Variants in HVCN1 observed in about 807,000 individuals in gnomAD.
The protein encoded by HVCN1 is voltage-gated hydrogen channel 1.
HVCN1 carries 14 observed loss-of-function variants against 29.2 expected under a neutral mutation model. The observed-to-expected ratio is 0.48, with a 90% CI of 0.32 to 0.75. The LOEUF (loss-of-function observed/expected upper bound fraction) is 0.75. HVCN1 is among the 30% of genes least tolerant of loss of function. The probability of loss-of-function intolerance (pLI) is 0.04; values close to 1 mark genes in which losing one functional copy is unlikely to be tolerated. For missense variants in HVCN1, 263 were observed against 341.8 expected (o/e 0.77, Z 1.82); for synonymous variants, 131 against 133.2 (o/e 0.98, Z 0.11).
intron 3 of HVCN1, among the ~76,000 whole-genome samples, chr12:110,673,021 C>T (rs1242268112): frequency 6.6e-6 from 1 of 152,096 alleles, no homozygotes; most frequent in African/African-American, 2.4e-5. Context: ...AAATGTGGAA[C>T]CAACTTTGGA....
intron 6 of HVCN1, 70 bp from the exon 7 acceptor site, chr12:110,650,350 C>A: frequency 1.1e-6 from 1 of 909,964 alleles, no homozygotes; most frequent in South Asian, 1.4e-5. Flanking sequence ...AATCTGTATT[C>A]TTACACCTGT....
At chr12:110,694,536 C>T (rs1401159495), upstream of HVCN1, among the ~76,000 whole-genome samples, 3 of 152,246 alleles carry the variant, frequency 2.0e-5, no homozygotes, top group East Asian at 1.9e-4. The surrounding 1 kb of genome is among the most constrained non-coding windows in gnomAD (Gnocchi z 4.6). Flanking sequence ...TCAACGGCTA[C>T]AGTTGACCAC....
At chr12:110,675,360 G>A (rs1164192508) in intron 3 of HVCN1, among the ~76,000 whole-genome samples, 7 of 152,240 alleles carry the variant, frequency 4.6e-5, no homozygotes, top group African/African-American at 1.7e-4. Flanking sequence ...TTGGGAGGCT[G>A]AGGCAGGGGA....
intron 2 of HVCN1, among the ~76,000 whole-genome samples, chr12:110,683,937 AAG>A (rs1555238089): frequency 2.0e-5 from 3 of 151,682 alleles, no homozygotes; most frequent in African/African-American, 7.3e-5. Flanking sequence ...GAAAAAAAAA[AAG>A]AGAGAGAAAT....
rs752437553 is a variant in HVCN1, at chr12:110,650,199, A to G, written c.725T>C (p.Ile242Thr). The G allele has an allele frequency of 6.2e-7, 1 of 1,613,188 alleles. No homozygotes were observed. Among genetic ancestry groups the G allele is most frequent in the Admixed American group, 1.7e-5 (1 of 59,992 alleles). Reference protein sequence around the residue: ...KQMNVQLAAKIQHLEFSCSEK... With the variant: ...KQMNVQLAAKTQHLEFSCSEK... ...AGAGCAGCTGAACTCAAGGTGTTGA[A>G]TCTTGGCGGCCAATTGTACATTCAT... is the stretch of plus-strand genomic sequence containing the variant. The change falls in exon 7 of 8, where the codon ATT (isoleucine) becomes ACT (threonine). Residue 242 changes from isoleucine (I) to threonine (T), a missense_variant. Transcript: ENST00000242607.
intron 5 of HVCN1, among the ~76,000 whole-genome samples, chr12:110,654,082 A>G (rs951501026): frequency 2.6e-5 from 4 of 152,190 alleles, no homozygotes; most frequent in South Asian, 4.1e-4. Context: ...TTTTTCATAA[A>G]AAGTTGAGAG....
intron 3 of HVCN1, among the ~76,000 whole-genome samples, chr12:110,666,151 G>C (rs2068341312): frequency 6.6e-6 from 1 of 152,202 alleles, no homozygotes; most frequent in Non-Finnish European, 1.5e-5. Context: ...GGGCACAGTG[G>C]CTCATGCCTG....
chr12:110,675,525 A>T (rs1257793318), intron 3 of HVCN1, among the ~76,000 whole-genome samples: 1 of 152,226 alleles, frequency 6.6e-6, no homozygotes, highest in Non-Finnish European at 1.5e-5. Context: ...ACAGGAACTC[A>T]AGTCCGCTAG....
intron 2 of HVCN1, among the ~76,000 whole-genome samples, chr12:110,686,021 CAG>C (rs1005509151): frequency 1.1e-4 from 17 of 151,870 alleles, no homozygotes; most frequent in African/African-American, 3.4e-4. Context: ...TCCCCTGAGA[CAG>C]AGTCTCGTTC....
chr12:110,699,661 GTGA>G (rs1252555513), intron 2 of HVCN1, among the ~76,000 whole-genome samples: 2 of 152,110 alleles, frequency 1.3e-5, no homozygotes, highest in Non-Finnish European at 2.9e-5. Context: ...GAAATGGCCA[GTGA>G]TGATGATAAC....
At chr12:110,668,751 T>C (rs937024689) in intron 3 of HVCN1, among the ~76,000 whole-genome samples, 5 of 152,198 alleles carry the variant, frequency 3.3e-5, no homozygotes, top group African/African-American at 1.2e-4. Context: ...CAAGAATCCT[T>C]GCTGTCCCCA....
At chr12:110,694,088 G>A (rs73194021), upstream of HVCN1, among the ~76,000 whole-genome samples, 13,245 of 152,116 alleles carry the variant, frequency 0.087, 643 homozygotes, top group Middle Eastern at 0.11. The surrounding 1 kb of genome is among the most constrained non-coding windows in gnomAD (Gnocchi z 4.6). Flanking sequence ...TTAGGGATGG[G>A]GTCTTGCTCT....
chr12:110,657,879 G>A (rs1330931119), intron 4 of HVCN1, among the ~76,000 whole-genome samples: 3 of 152,200 alleles, frequency 2.0e-5, no homozygotes, highest in South Asian at 2.1e-4. Context: ...CGTGCCGTGG[G>A]GCGGCCAGTC....
chr12:110,695,261 TACAC>T (rs150777041), intron 2 of HVCN1, among the ~76,000 whole-genome samples: 1 of 151,154 alleles, frequency 6.6e-6, no homozygotes, highest in African/African-American at 2.5e-5. Flanking sequence ...TATATGTATA[TACAC>T]ACACACACAT....
At chr12:110,655,425 G>T in intron 4 of HVCN1, 87 bp from the exon 5 acceptor site, 3 of 1,023,984 alleles carry the variant, frequency 2.9e-6, no homozygotes, top group Non-Finnish European at 4.6e-6. Context: ...TTGGAAGCAC[G>T]TGGGTGAAAC....
chr12:110,681,353 G>A (rs560885059), intron 3 of HVCN1, among the ~76,000 whole-genome samples: 6 of 152,084 alleles, frequency 3.9e-5, no homozygotes, highest in Non-Finnish European at 8.8e-5. Flanking sequence ...CTTGAATATG[G>A]ATATTTTCAA....
At position 110,661,070 on chromosome 12, in the gene HVCN1, C is replaced by A; in HGVS notation, c.306+94G>T. On this transcript the variant is annotated intron_variant, in intron 4 of 7. Transcript: ENST00000242607. The surrounding 1 kb of genome is among the most constrained non-coding windows in gnomAD (Gnocchi z 6.2). The stretch of plus-strand genomic sequence containing the variant: ...GCAAACACTCGTAGAATGAATGAGG[C>A]AGTGGCCAAATGGGCTCAGCCTGGC... 1 of 1,188,624 alleles carries A rather than the reference C, an allele frequency of 8.4e-7. No individual in the cohort carries two copies. Among genetic ancestry groups the A allele is most frequent in the Non-Finnish European group, 1.2e-6 (1 of 830,326 alleles). 73.6% of individuals were successfully genotyped at this position (1,188,624 alleles called of 1,614,324 possible).
rs1203695918 is a variant in HVCN1 at position 110,649,251 on chromosome 12, C to A, written c.*159G>T. ...GCAGCTCTTGGTGGTACTGGACCTTCCACAAGGCTGTGTCCACCCAGAATC... is the reference window on the plus strand; with the variant it reads ...GCAGCTCTTGGTGGTACTGGACCTTACACAAGGCTGTGTCCACCCAGAATC... On this transcript the variant is annotated 3_prime_UTR_variant, in exon 8 of 8. Transcript: ENST00000242607. 3 of 680,528 alleles carry A rather than the reference C, an allele frequency of 4.4e-6. No homozygotes were observed. The highest frequency in any genetic ancestry group is 2.4e-4 in the Middle Eastern group (1 of 4,164). 42.2% of individuals were successfully genotyped at this position (680,528 alleles called of 1,614,324 possible).
intron 3 of HVCN1, among the ~76,000 whole-genome samples, chr12:110,677,474 A>G (rs1173675033): frequency 1.3e-5 from 2 of 151,886 alleles, no homozygotes; most frequent in Non-Finnish European, 2.9e-5. Context: ...CTTCCCCATC[A>G]CACTCTCATG....
Sources: gnomAD v4.1 joint callset for allele counts (sites outside exome capture counted in the v4.1 genomes callset) on GRCh38, gnomAD v4.1.1 for gene constraint, Gnocchi (gnomAD v3.1) non-coding constraint, MANE v1.5 for transcripts, NCBI Gene and HGNC (gene_info 2026-07-23, HGNC 2026-07-21) for gene names.